DDX18: variants seen among roughly 807,000 people sequenced by gnomAD.
DDX18 encodes the protein DEAD-box helicase 18.
In DDX18, 23 loss-of-function variants were observed where a neutral mutation model predicts 73.5. The ratio of observed to expected loss-of-function variants is 0.31; its 90% CI spans 0.23 to 0.44. DDX18 has a LOEUF of 0.44. DDX18 is among the 20% of genes least tolerant of loss of function. The pLI is 1.00. For missense variants in DDX18, 753 were observed against 792.9 expected (o/e 0.95, Z 0.60); for synonymous variants, 268 against 282.7 (o/e 0.95, Z 0.52).
At position 117,814,742 on chromosome 2, in the gene DDX18, T is replaced by C. The variant is rs752073547; in HGVS notation, c.-36T>C. Reference sequence around the variant, plus strand: ...CAGCCTGAGAACTGAGTAGCTGTACTGTGTGGCGCCTTATTCTAGGCACTT... The same window carrying C: ...CAGCCTGAGAACTGAGTAGCTGTACCGTGTGGCGCCTTATTCTAGGCACTT... On this transcript the variant is annotated 5_prime_UTR_variant, in exon 1 of 14. Coordinates refer to ENST00000263239, the MANE Select transcript of DDX18 (RefSeq NM_006773.4). 3.7e-6 allele frequency: 6 copies of C among 1,609,062 alleles called. No homozygotes were observed. The Admixed American group carries it at 6.7e-5, about 18-fold the overall frequency.
rs1219196953 is a variant in DDX18 at position 117,817,740 on chromosome 2, T to C, written c.370+12T>C. ...TGATGCTGAGCCTGGTAGGTATTTATTATCTTTGAACTTCAGCCATTTAGT... is the reference window on the plus strand; with the variant it reads ...TGATGCTGAGCCTGGTAGGTATTTACTATCTTTGAACTTCAGCCATTTAGT... On this transcript the variant is annotated intron_variant, in intron 2 of 13. Coordinates refer to ENST00000263239, the MANE Select transcript of DDX18 (RefSeq NM_006773.4). The C allele has an allele frequency of 1.9e-6, 3 of 1,581,930 alleles. No individual in the cohort carries two copies. Among genetic ancestry groups the C allele is most frequent in the South Asian group, 2.4e-5 (2 of 84,396 alleles).
Position 117,830,865 on chromosome 2 carries a change from C to A in DDX18, c.*141C>A. 1.1e-6 allele frequency: 1 copy of A among 890,248 alleles called. No homozygotes were observed. The highest frequency in any genetic ancestry group is 1.7e-5 in the South Asian group (1 of 59,392). 55.1% of individuals were successfully genotyped at this position (890,248 alleles called of 1,614,324 possible). On this transcript the variant is annotated 3_prime_UTR_variant, in exon 14 of 14. Transcript: ENST00000263239. ...ATTGACTTGGGTTGCAAGCACTGAG[C>A]ACTGTTACTTCTATCACGTCTCTCT...
At position 117,826,315 on chromosome 2, in the gene DDX18, G is replaced by A. The variant is rs745453826; in HGVS notation, c.1568G>A (p.Arg523Lys). 1 of 1,614,064 alleles carries A rather than the reference G, an allele frequency of 6.2e-7. No individual in the cohort carries two copies. Among genetic ancestry groups the A allele is most frequent in the South Asian group, 1.1e-5 (1 of 91,068 alleles). Residue 523 changes from arginine (R) to lysine (K), a missense_variant, in exon 11 of 14, where the codon AGA becomes AAA. This residue lies in a region of DDX18 where 402 missense variants were observed against 419.4 expected (regional missense o/e 0.96). Coordinates refer to ENST00000263239, the MANE Select transcript of DDX18 (RefSeq NM_006773.4). ...VGRTARGLNG[R>K]GHALLILRPE... is the part of the protein sequence containing the mutation. Reference sequence around the variant, plus strand: ...AGAACAGCCAGAGGCCTAAATGGGAGAGGGCATGCCTTGCTCATTTTGCGC... The same window carrying A: ...AGAACAGCCAGAGGCCTAAATGGGAAAGGGCATGCCTTGCTCATTTTGCGC...
At chr2:117,818,989 T>C (rs2104620182) in intron 2 of DDX18, among the ~76,000 whole-genome samples, 1 of 152,106 alleles carries the variant, frequency 6.6e-6, no homozygotes, top group South Asian at 2.1e-4. Context: ...CTACAGAGAG[T>C]CCTGGGTTGT....
chr2:117,815,025 C>T (rs1679732921), intron 1 of DDX18, 163 bp downstream of exon 1: 1 of 660,486 alleles, frequency 1.5e-6, no homozygotes, highest in South Asian at 1.8e-5. Flanking sequence ...ACCCGCGCTG[C>T]TGCCCACTCG....
Position 117,814,781 on chromosome 2 carries a change from T to C in DDX18, c.4T>C (p.Ser2Pro). ...TTCTAGGCACTTGTTGGGCAGAATG[T>C]CACACCTGCCGATGAAACTCCTGCG... is the stretch of plus-strand genomic sequence containing the variant. The part of the protein sequence containing the change: M[S>P]HLPMKLLRKK... Residue 2 changes from serine (S) to proline (P), a missense_variant, in exon 1 of 14, where the codon TCA (serine) becomes CCA (proline). Ser to Pro is a moderately conservative substitution (Grantham distance 74). Around this residue, in one of 3 missense-constraint regions of DDX18, gnomAD observed 345 missense variants for 352.0 expected, o/e 0.98. Coordinates refer to ENST00000263239, the MANE Select transcript of DDX18 (RefSeq NM_006773.4). 1 of 1,614,192 alleles carries C rather than the reference T, an allele frequency of 6.2e-7. No homozygotes were observed. The highest frequency in any genetic ancestry group is 8.5e-7 in the Non-Finnish European group (1 of 1,180,020).
rs555946429 is a variant in DDX18, at chr2:117,828,157, C to T, written c.1636-792C>T. ...AGTGTGTGTTCATATCTTTCGCCCA[C>T]TTTTTGATTGGGTTGTTTGATTTTT... is the stretch of plus-strand genomic sequence containing the variant. On this transcript the variant is annotated intron_variant, in intron 11 of 13. Transcript: ENST00000263239. 2.4e-4 allele frequency: 37 copies of T among 152,278 alleles called. 1 individual carries two copies. The South Asian group carries it at 6.8e-3, about 28-fold the overall frequency. The allele number at this position is 152,278 out of a possible 1,614,324, so 9.4% of individuals were successfully genotyped here. A position where few individuals can be genotyped will look rare whatever the true frequency, so the allele number is the denominator to read the frequency against.
chr2:117,819,881 C>G, intron 3 of DDX18, 89 bp downstream of exon 3: 1 of 1,266,810 alleles, frequency 7.9e-7, no homozygotes, highest in African/African-American at 1.5e-5. Flanking sequence ...TTGTGACTTT[C>G]AGTTTACCTG....
chr2:117,819,784 G>A lies in DDX18; in HGVS notation c.506G>A (p.Gly169Glu). The A allele has an allele frequency of 2.5e-6, 4 of 1,581,348 alleles. No individual in the cohort carries two copies. The highest frequency in any genetic ancestry group is 1.7e-6 in the Non-Finnish European group (2 of 1,168,906). ...DESEVPSLPL[G>E]LTGAFEDTSF... is the part of the protein sequence containing the mutation. ...AGTGAGGTGCCCAGTCTGCCCCTGGGACTGACAGGTAACGTCCAGGAAGTT... is the reference window on the plus strand; with the variant it reads ...AGTGAGGTGCCCAGTCTGCCCCTGGAACTGACAGGTAACGTCCAGGAAGTT... The change falls in exon 3 of 14, where the codon GGA becomes GAA. Residue 169 changes from glycine to glutamate, a missense_variant. Gly to Glu is a moderately conservative substitution (Grantham distance 98). Transcript: ENST00000263239.
At chr2:117,823,274 G>A (rs1679874672) in intron 7 of DDX18, among the ~76,000 whole-genome samples, 1 of 152,164 alleles carries the variant, frequency 6.6e-6, no homozygotes, top group Non-Finnish European at 1.5e-5. Context: ...ATTGGAGGAA[G>A]ACAGTATTGA....
chr2:117,816,908 CATT>C (rs1338590905), intron 1 of DDX18, among the ~76,000 whole-genome samples: 1 of 152,320 alleles, frequency 6.6e-6, no homozygotes, highest in African/African-American at 2.4e-5. Flanking sequence ...ACAGAAATGT[CATT>C]GTGCACGCAT....
At position 117,816,610 on chromosome 2, in the gene DDX18, A is replaced by AT. The variant is rs530419188; in HGVS notation, c.86-825dup. Among the ~76,000 whole-genome samples the AT allele has an allele frequency of 2.4e-4, 36 of 151,604 alleles. 1 individual carries two copies. Among genetic ancestry groups the AT allele is most frequent in the South Asian group, 1.9e-3 (9 of 4,794 alleles). On this transcript the variant is annotated intron_variant, in intron 1 of 13. Transcript: ENST00000263239. ...CCTGAGGCTCTTTTACAGTCGACTC[A>AT]TTTTTTTTTAATAAGTAAAAGGAGT...
intron 1 of DDX18, chr2:117,815,110 C>T: frequency 1.8e-6 from 1 of 547,768 alleles, no homozygotes; most frequent in East Asian, 3.1e-5. Context: ...CGGGAGGACT[C>T]CCCGTTCACT....
chr2:117,829,364 T>C lies in DDX18; in HGVS notation c.1768T>C (p.Tyr590His). The change falls in exon 13 of 14, where the codon TAT becomes CAT. Residue 590 changes from tyrosine to histidine, a missense_variant. This residue lies in a region of DDX18 where 402 missense variants were observed against 419.4 expected (regional missense o/e 0.96). Transcript: ENST00000263239. ...QEAYKSYIRA[Y>H]DSHSLKQIFN... ...AGCATATAAGTCATACATACGAGCCTATGATTCCCATTCTCTGAAACAGAT... is the reference window on the plus strand; with the variant it reads ...AGCATATAAGTCATACATACGAGCCCATGATTCCCATTCTCTGAAACAGAT... 6.2e-7 allele frequency: 1 copy of C among 1,614,114 alleles called. No individual in the cohort carries two copies. The highest frequency in any genetic ancestry group is 8.5e-7 in the Non-Finnish European group (1 of 1,179,948).
At chr2:117,825,287 A>T (rs530699135) in intron 9 of DDX18, among the ~76,000 whole-genome samples, 160 bp from the exon 10 acceptor site, 1 of 152,238 alleles carries the variant, frequency 6.6e-6, no homozygotes, top group South Asian at 2.1e-4. Context: ...CGAAGAGTGC[A>T]AGACACCATC....
chr2:117,823,553 G>A (rs1679879634), intron 7 of DDX18, among the ~76,000 whole-genome samples: 1 of 152,122 alleles, frequency 6.6e-6, no homozygotes, highest in Admixed American at 6.5e-5. Context: ...TGATTATTCA[G>A]TATGACTTTC....
chr2:117,815,177 C>A (rs901125554), intron 1 of DDX18: 20 of 327,694 alleles, frequency 6.1e-5, no homozygotes, highest in Admixed American at 1.4e-4. Flanking sequence ...TTGGTTCCCT[C>A]ACCACCTGCA....
At chr2:117,815,009 C>G (rs548269621) in intron 1 of DDX18, 147 bp downstream of exon 1, 1 of 751,430 alleles carries the variant, frequency 1.3e-6, no homozygotes, top group African/African-American at 1.7e-5. Flanking sequence ...GCAGCTTCCA[C>G]TCGGGACCCG....
chr2:117,817,798 T>A, intron 2 of DDX18, 70 bp downstream of exon 2: 1 of 1,468,604 alleles, frequency 6.8e-7, no homozygotes, highest in Non-Finnish European at 9.2e-7. Context: ...CTCTTTCTAT[T>A]ACTATTGTGT....
Sources: allele counts gnomAD v4.1 joint callset (sites outside exome capture counted in the v4.1 genomes callset), GRCh38; gene constraint gnomAD v4.1.1; regional missense constraint gnomAD v4.1.1; transcripts MANE v1.5; gene names NCBI Gene and HGNC (gene_info 2026-07-23, HGNC 2026-07-21).